PYY: variants seen among roughly 807,000 people sequenced by gnomAD.
PYY encodes peptide YY.
PYY carries 12 observed loss-of-function variants against 10.3 expected under a neutral mutation model. The ratio of observed to expected loss-of-function variants is 1.17; its 90% CI spans 0.75 to 1.89. The LOEUF (loss-of-function observed/expected upper bound fraction) is 1.89, where lower values mean the gene tolerates loss of function less well. Among genes scored for constraint, PYY ranks in the 40% most tolerant of loss-of-function variants. The pLI, the probability that PYY is intolerant of heterozygous loss-of-function variation, is 0.00. For missense variants in PYY, 141 were observed against 134.0 expected (o/e 1.05, Z -0.26); for synonymous variants, 66 against 62.0 (o/e 1.06, Z -0.30).
chr17:44,003,065 T>G lies in PYY; in HGVS notation c.-463+1326A>C, dbSNP rs992599652. Among the ~76,000 whole-genome samples the G allele has an allele frequency of 2.1e-4, 32 of 152,246 alleles. 1 individual carries two copies. The highest frequency in any genetic ancestry group is 1.8e-3 in the Admixed American group (28 of 15,290). ...TAATTTTAATTTTTTTGAGACAGGG[T>G]CTCATTCTGTCGCCCAGACGGGAGT... On this transcript the variant is annotated intron_variant, in intron 1 of 6. Transcript: ENST00000360085.
At chr17:44,002,571 G>A (rs1480674143) in intron 1 of PYY, among the ~76,000 whole-genome samples, 1 of 152,196 alleles carries the variant, frequency 6.6e-6, no homozygotes, top group African/African-American at 2.4e-5. Context: ...ACAGTGCCCA[G>A]CACATGGACA....
chr17:43,976,528 T>C (rs2048849979), intron 1 of PYY, among the ~76,000 whole-genome samples: 1 of 151,856 alleles, frequency 6.6e-6, no homozygotes, highest in South Asian at 2.1e-4. Flanking sequence ...TCCCAGCACT[T>C]TGGGAGGCTG....
At chr17:43,979,298 A>G (rs1260530098) in intron 1 of PYY, among the ~76,000 whole-genome samples, 1 of 152,186 alleles carries the variant, frequency 6.6e-6, no homozygotes, top group African/African-American at 2.4e-5. Context: ...TAAGCCCTCC[A>G]AGTGATTCTG....
At chr17:43,976,141 G>GTA (rs2048834356) in intron 1 of PYY, among the ~76,000 whole-genome samples, 1 of 118,668 alleles carries the variant, frequency 8.4e-6, no homozygotes, top group Admixed American at 9.3e-5. Context: ...ATACATATAT[G>GTA]TATATATACA....
chr17:43,962,052 T>C (rs2048715971), intron 2 of PYY, among the ~76,000 whole-genome samples: 1 of 152,198 alleles, frequency 6.6e-6, no homozygotes, highest in Non-Finnish European at 1.5e-5. Context: ...TGTTCCCCAG[T>C]ACCTATTTTC....
At chr17:43,994,751 C>T (rs1428903437) in intron 1 of PYY, among the ~76,000 whole-genome samples, 4 of 152,206 alleles carry the variant, frequency 2.6e-5, no homozygotes, top group African/African-American at 9.6e-5. Context: ...CGTTAGGCTG[C>T]ACCCTCACTC....
At chr17:43,962,864 G>A (rs2048722224) in intron 2 of PYY, among the ~76,000 whole-genome samples, 1 of 152,192 alleles carries the variant, frequency 6.6e-6, no homozygotes, top group Non-Finnish European at 1.5e-5. Context: ...AGGGCCTGGA[G>A]AAGTTCTTGT....
intron 1 of PYY, among the ~76,000 whole-genome samples, chr17:43,977,042 C>A (rs559617120): frequency 6.6e-6 from 1 of 152,150 alleles, no homozygotes; most frequent in Non-Finnish European, 1.5e-5. Flanking sequence ...TGCTTCTCCC[C>A]AGTGTTTACC....
chr17:43,991,433 A>G (rs185810390), intron 1 of PYY, among the ~76,000 whole-genome samples: 2 of 152,244 alleles, frequency 1.3e-5, no homozygotes, highest in African/African-American at 2.4e-5. Flanking sequence ...TTCCATCTCA[A>G]ATAAATAAAT....
At chr17:43,990,415 G>A (rs1009807381) in intron 1 of PYY, among the ~76,000 whole-genome samples, 2 of 148,892 alleles carry the variant, frequency 1.3e-5, no homozygotes, top group African/African-American at 5.0e-5. Flanking sequence ...CTCCAGCCTG[G>A]GTGACAGAGC....
chr17:44,000,060 T>C (rs1049044226), intron 1 of PYY, among the ~76,000 whole-genome samples: 35 of 152,160 alleles, frequency 2.3e-4, no homozygotes, highest in African/African-American at 8.2e-4. Flanking sequence ...GTTGCCCACG[T>C]TGGAGTGCAG....
At chr17:43,976,311 A>G (rs1326134614) in intron 1 of PYY, among the ~76,000 whole-genome samples, 1 of 151,294 alleles carries the variant, frequency 6.6e-6, no homozygotes, top group Non-Finnish European at 1.5e-5. Context: ...ACATATACGT[A>G]TATACACATA....
chr17:43,953,403 G>T lies in PYY; in HGVS notation c.81C>A (p.Asp27Glu). 1 of 1,612,892 alleles carries T rather than the reference G, an allele frequency of 6.2e-7. No homozygotes were observed. Among genetic ancestry groups the T allele is most frequent in the Non-Finnish European group, 8.5e-7 (1 of 1,179,610 alleles). Residue 27 changes from aspartate (D) to glutamate (E), a missense_variant, in exon 2 of 4, where the codon GAC becomes GAA. Transcript: ENST00000692052. The stretch of plus-strand genomic sequence containing the variant: ...GAGCCTCGGGTTTGATGGGGTAGGC[G>T]TCGACCAGCGCCCCTAGGCAGACGA... ...ALLVCLGALV[D>E]AYPIKPEAPR... is the part of the protein sequence containing the mutation.
intron 2 of PYY, chr17:43,966,214 C>T (rs910308869): frequency 1.3e-4 from 20 of 152,984 alleles, no homozygotes; most frequent in African/African-American, 4.6e-4. Context: ...CTTCACAACA[C>T]ATAATGTACC....
Position 43,987,269 on chromosome 17 carries a change from C to A in PYY, c.-463+17122G>T, listed in dbSNP as rs141366844. Among the ~76,000 whole-genome samples the A allele has an allele frequency of 3.9e-4, 60 of 152,298 alleles. No homozygotes were observed. The highest frequency in any genetic ancestry group is 9.8e-4 in the Admixed American group (15 of 15,300). ...CTCCCTCCCCGCCGCTGCTCTCTGA[C>A]TTAATTACTTCTCCTCCTGGCTGTA... On this transcript the variant is annotated intron_variant, in intron 1 of 6. Transcript: ENST00000360085. The surrounding 1 kb of genome is among the most constrained non-coding windows in gnomAD (Gnocchi z 4.0).
At chr17:43,988,807 G>A (rs1218177039) in intron 1 of PYY, among the ~76,000 whole-genome samples, 2 of 146,352 alleles carry the variant, frequency 1.4e-5, no homozygotes, top group Non-Finnish European at 3.0e-5. Flanking sequence ...CTGTCACCCA[G>A]GCTGGAGTGC....
At chr17:43,989,282 G>C (rs1480046980) in intron 1 of PYY, among the ~76,000 whole-genome samples, 1 of 152,040 alleles carries the variant, frequency 6.6e-6, no homozygotes, top group Non-Finnish European at 1.5e-5. Flanking sequence ...GCTGAGGCAG[G>C]AGAATGGTGT....
chr17:43,964,273 T>C (rs1326492546), intron 2 of PYY, among the ~76,000 whole-genome samples: 4 of 152,226 alleles, frequency 2.6e-5, no homozygotes, highest in African/African-American at 9.6e-5. Flanking sequence ...CTCTCACCTC[T>C]ACCTCCCAGC....
At chr17:43,959,138 A>C (rs1026003394) in intron 2 of PYY, among the ~76,000 whole-genome samples, 4 of 152,232 alleles carry the variant, frequency 2.6e-5, no homozygotes, top group African/African-American at 4.8e-5. Flanking sequence ...AATTTGAGTC[A>C]AGACACCCAA....
Sources: allele counts gnomAD v4.1 joint callset (sites outside exome capture counted in the v4.1 genomes callset), GRCh38; gene constraint gnomAD v4.1.1; non-coding constraint Gnocchi (gnomAD v3.1); transcripts MANE v1.5; gene names NCBI Gene and HGNC (gene_info 2026-07-23, HGNC 2026-07-21).